MYBPH: variants seen among roughly 807,000 people sequenced by gnomAD.
The protein encoded by MYBPH is myosin binding protein H.
MYBPH carries 49 observed loss-of-function variants against 53.6 expected under a neutral mutation model. That is an observed-to-expected ratio of 0.91 (90% CI 0.73 to 1.16). The LOEUF (loss-of-function observed/expected upper bound fraction) is 1.16, where lower values mean the gene tolerates loss of function less well. Ranked by LOEUF, MYBPH falls within the 50% of genes most tolerant of loss-of-function variation. MYBPH has a pLI of 0.00. For synonymous variants in MYBPH, 239 were observed against 249.6 expected, an observed-to-expected ratio of 0.96 and a Z score of 0.40; for missense variants, 558 against 624.1, an observed-to-expected ratio of 0.89 and a Z score of 1.13.
chr1:203,173,983 A>G (rs1655750825), intron 3 of MYBPH, among the ~76,000 whole-genome samples: 2 of 152,174 alleles, frequency 1.3e-5, no homozygotes, highest in Admixed American at 1.3e-4. Flanking sequence ...TCTTTCCACT[A>G]GGGCCATGGT....
chr1:203,173,328 A>G (rs1318993139), intron 3 of MYBPH, among the ~76,000 whole-genome samples: 1 of 152,210 alleles, frequency 6.6e-6, no homozygotes, highest in African/African-American at 2.4e-5. Flanking sequence ...TGGTGGGGCC[A>G]CATCTCACCT....
chr1:203,176,661 G>A (rs953310063), upstream of MYBPH, among the ~76,000 whole-genome samples: 4 of 152,202 alleles, frequency 2.6e-5, no homozygotes, highest in Non-Finnish European at 4.4e-5. Flanking sequence ...GATATGGCCA[G>A]ATTTCTAGTC....
intron 7 of MYBPH, 83 bp downstream of exon 7, chr1:203,170,208 C>T: frequency 1.3e-6 from 2 of 1,545,518 alleles, no homozygotes; most frequent in South Asian, 1.2e-5. Flanking sequence ...CAGGAGAAAC[C>T]CAGAGAGAGG....
Position 203,167,829 on chromosome 1 carries a change from T to C in MYBPH, c.*295A>G, listed in dbSNP as rs1306928799. The stretch of plus-strand genomic sequence containing the variant: ...GGCCCCGCACTGTTAACACCACGCA[T>C]CTTTATTTGAGTGCTTCCCACCCAG... On this transcript the variant is annotated 3_prime_UTR_variant, in exon 11 of 11. Coordinates refer to ENST00000255416, the MANE Select transcript of MYBPH (RefSeq NM_004997.3). 6.6e-6 allele frequency: 1 copy of C among 152,256 alleles called. No individual in the cohort carries two copies. Among genetic ancestry groups the C allele is most frequent in the Non-Finnish European group, 1.5e-5 (1 of 68,198 alleles). The allele number at this position is 152,256 out of a possible 1,614,324, so 9.4% of individuals were successfully genotyped here. A position where few individuals can be genotyped will look rare whatever the true frequency, so the allele number is the denominator to read the frequency against.
intron 2 of MYBPH, among the ~76,000 whole-genome samples, chr1:203,174,846 C>T (rs1655768599): frequency 6.6e-6 from 1 of 152,106 alleles, no homozygotes; most frequent in Non-Finnish European, 1.5e-5. Flanking sequence ...CAAAGTCACA[C>T]AGCAAGGTAG....
At position 203,168,618 on chromosome 1, in the gene MYBPH, G is replaced by A. The variant is rs1421574795; in HGVS notation, c.*32+9C>T. ...AGAGGTAACAGAGTGGGTGGGTCAG[G>A]CCATTTACCTGGCTCCTCATCACAG... On this transcript the variant is annotated intron_variant, in intron 10 of 10. Coordinates refer to ENST00000255416, the MANE Select transcript of MYBPH (RefSeq NM_004997.3). 6.4e-7 allele frequency: 1 copy of A among 1,550,584 alleles called. No homozygotes were observed. The highest frequency in any genetic ancestry group is 8.7e-7 in the Non-Finnish European group (1 of 1,146,720).
intron 2 of MYBPH, among the ~76,000 whole-genome samples, 159 bp downstream of exon 2, chr1:203,175,168 G>C (rs565693868): frequency 6.6e-6 from 1 of 151,414 alleles, no homozygotes; most frequent in East Asian, 2.0e-4. Context: ...TGCTGGTGGA[G>C]CAAGAAAGGG....
In MYBPH at chr1:203,172,847, T is replaced by G. The variant is rs1212832905; in HGVS notation, c.509-807A>C. On this transcript the variant is annotated intron_variant, in intron 3 of 10. Coordinates refer to ENST00000255416, the MANE Select transcript of MYBPH (RefSeq NM_004997.3). ...CTCAGCAGCAAACAGGTGGCAGCAGTTGGTTGGTGGCATGCAGGGCGGAGG... is the reference window on the plus strand; with the variant it reads ...CTCAGCAGCAAACAGGTGGCAGCAGGTGGTTGGTGGCATGCAGGGCGGAGG... Among the ~76,000 whole-genome samples, 3 of 151,778 alleles carry G rather than the reference T, an allele frequency of 2.0e-5. No homozygotes were observed. The East Asian group carries it at 5.8e-4, about 29-fold the overall frequency.
At chr1:203,170,496 C>G (rs773498862) in intron 6 of MYBPH, 46 bp from the exon 7 acceptor site, 1 of 1,595,570 alleles carries the variant, frequency 6.3e-7, no homozygotes, top group South Asian at 1.1e-5. Flanking sequence ...CCTGTCCTCA[C>G]CCTCCCTGCT....
At chr1:203,170,160 G>T in intron 7 of MYBPH, 131 bp downstream of exon 7, 1 of 1,128,012 alleles carries the variant, frequency 8.9e-7, no homozygotes, top group South Asian at 1.5e-5. Context: ...GCATAGCCGT[G>T]GAGTGAGGAG....
rs1262026092 is a variant in MYBPH at position 203,171,621 on chromosome 1, G to T, written c.598-43C>A. On this transcript the variant is annotated intron_variant, in intron 4 of 10. Transcript: ENST00000255416. This position sits in a 1 kb window ranked among gnomAD's most constrained non-coding sequence, Gnocchi z 4.2. The stretch of plus-strand genomic sequence containing the variant: ...CCAGGGTGAGTGTAGGGAGGTGCCA[G>T]AGTCCCCACACCTCCTTAACTCCAG... 1.3e-6 allele frequency: 2 copies of T among 1,556,274 alleles called. No individual in the cohort carries two copies. Among genetic ancestry groups the T allele is most frequent in the South Asian group, 2.3e-5 (2 of 85,334 alleles).
Position 203,169,342 on chromosome 1 carries a change from C to T in MYBPH, c.1141G>A (p.Ala381Thr), listed in dbSNP as rs1227728036. ...KGFIERDFSEAPSFTQPLADH... is the reference protein window; with the variant it reads ...KGFIERDFSETPSFTQPLADH... ...GCCAGGGGCTGGGTGAATGAGGGGG[C>T]TTCTGAGAAGTCTCGCTCAATAAAC... is the stretch of plus-strand genomic sequence containing the variant. Residue 381 changes from alanine to threonine, a missense_variant, in exon 8 of 11, where the codon GCC becomes ACC. Transcript: ENST00000255416. 6.2e-7 allele frequency: 1 copy of T among 1,608,810 alleles called. No individual in the cohort carries two copies. Among genetic ancestry groups the T allele is most frequent in the East Asian group, 2.2e-5 (1 of 44,770 alleles).
chr1:203,175,445 TG>T lies in MYBPH; in HGVS notation c.221del (p.Pro74HisfsTer4). 6.3e-7 allele frequency: 1 copy of T among 1,578,176 alleles called. No homozygotes were observed. Reference sequence around the variant, plus strand: ...TCACATCATCCAGGGTCAGCAGCAGTGGGGCACTGGGGACATCTGGGGAGAT... The same window carrying T: ...TCACATCATCCAGGGTCAGCAGCAGTGGGCACTGGGGACATCTGGGGAGAT... The part of the protein sequence containing the change: ...APPSEDVPSA[P>X]LLLTLDDVSS... On this transcript the variant is annotated frameshift_variant, in exon 2 of 11. Coordinates refer to ENST00000255416, the MANE Select transcript of MYBPH (RefSeq NM_004997.3). LOFTEE classifies it high-confidence loss of function.
In MYBPH at chr1:203,174,593, C is replaced by T. The variant is rs143930965; in HGVS notation, c.345G>A (p.Ser115=). The T allele has an allele frequency of 3.4e-4, 537 of 1,599,354 alleles. No homozygotes were observed. In the African/African-American group the frequency reaches 5.1e-3, roughly 15 times the overall value. ...GCCGGGCACTCACAGGCACCCACTC[C>T]GAGGCTGAGGGGATGGAGAGAGTGT... ...YVLELCREGA[S]EWVPVSARPM... The change falls in exon 3 of 11, where the codon TCG becomes TCA. Residue 115 remains serine (S), a synonymous_variant. Transcript: ENST00000255416.
At chr1:203,170,706 A>C (rs570492226) in intron 6 of MYBPH, among the ~76,000 whole-genome samples, 1 of 152,294 alleles carries the variant, frequency 6.6e-6, no homozygotes, top group Non-Finnish European at 1.5e-5. Context: ...CTTCAGCATC[A>C]CCTGGAAACG....
upstream of MYBPH, chr1:203,175,845 C>T: frequency 3.7e-6 from 5 of 1,339,482 alleles, no homozygotes; most frequent in Admixed American, 1.8e-5. Context: ...CACCTAGGTC[C>T]AGGCTTATAT....
intron 7 of MYBPH, 130 bp from the exon 8 acceptor site, chr1:203,169,519 A>C: frequency 2.3e-6 from 3 of 1,310,352 alleles, no homozygotes; most frequent in Non-Finnish European, 3.2e-6. Context: ...GACAATCTCA[A>C]AGAGGCAGAG....
chr1:203,174,443 G>A lies in MYBPH; in HGVS notation c.495C>T (p.Ile165=). The change falls in exon 3 of 11, where the codon ATC becomes ATT. Residue 165 remains isoleucine, a synonymous_variant. Transcript: ENST00000255416. ...GATGGGCTTTACCAATGTTCTCTCG[G>A]ATGTGGATGGGCTGGTCCAGCATGG... is the stretch of plus-strand genomic sequence containing the variant. ...PPAMLDQPIH[I]RENIEAPKIR... The A allele has an allele frequency of 6.3e-7, 1 of 1,594,328 alleles. No individual in the cohort carries two copies. The highest frequency in any genetic ancestry group is 2.3e-5 in the East Asian group (1 of 44,312).
In MYBPH at chr1:203,168,937, C is replaced by T. The variant is rs771697369; in HGVS notation, c.1386G>A (p.Glu462=). The stretch of plus-strand genomic sequence containing the variant: ...CCTCCAGCCGGCAGTCCACAGATGC[C>T]TCCCCCAGCACATTTATGGCCTTGC... ...YTCKAINVLG[E]ASVDCRLEVK... Residue 462 remains glutamate, a synonymous_variant, in exon 9 of 11, where the codon GAG becomes GAA. Transcript: ENST00000255416. 1 of 1,614,094 alleles carries T rather than the reference C, an allele frequency of 6.2e-7. No homozygotes were observed. The highest frequency in any genetic ancestry group is 1.1e-5 in the South Asian group (1 of 91,074).
Sources: gnomAD v4.1 joint callset for allele counts (sites outside exome capture counted in the v4.1 genomes callset) on GRCh38, gnomAD v4.1.1 for gene constraint, Gnocchi (gnomAD v3.1) non-coding constraint, MANE v1.5 for transcripts, NCBI Gene and HGNC (gene_info 2026-07-23, HGNC 2026-07-21) for gene names.